RFC1: variants seen among roughly 807,000 people sequenced by gnomAD.
RFC1 encodes the protein A1 140 kDa subunit.
In RFC1, 37 loss-of-function variants were observed where a neutral mutation model predicts 137.4. The observed-to-expected ratio is 0.27, with a 90% CI of 0.21 to 0.35. The LOEUF (loss-of-function observed/expected upper bound fraction) is 0.35, where lower values mean the gene tolerates loss of function less well. Among genes scored for constraint, RFC1 ranks in the 10% least tolerant of loss-of-function variants. RFC1 has a pLI of 1.00. For synonymous variants in RFC1, 429 were observed against 455.7 expected (o/e 0.94, Z 0.75); for missense variants, 1,205 against 1,358.5 (o/e 0.89, Z 1.78).
intron 4 of RFC1, among the ~76,000 whole-genome samples, chr4:39,337,369 C>T (rs1740404141): frequency 7.1e-6 from 1 of 140,650 alleles, no homozygotes; most frequent in African/African-American, 2.6e-5. Flanking sequence ...AGCGAAACTC[C>T]GTCTCAAAAA....
chr4:39,323,427 G>T lies in RFC1; in HGVS notation c.643-10C>A. The T allele has an allele frequency of 6.2e-7, 1 of 1,613,392 alleles. No individual in the cohort carries two copies. Among genetic ancestry groups the T allele is most frequent in the Non-Finnish European group, 8.5e-7 (1 of 1,179,384 alleles). The stretch of plus-strand genomic sequence containing the variant: ...GCAACTGCCTCTCCAGCTGTAAAAT[G>T]TGTCAGCAAAGTGAGTTGAGTTGCT... On this transcript the variant is annotated splice_polypyrimidine_tract_variant and intron_variant, in intron 6 of 24. Transcript: ENST00000349703.
At chr4:39,346,350 C>T (rs1382116477) in intron 2 of RFC1, among the ~76,000 whole-genome samples, 1 of 152,118 alleles carries the variant, frequency 6.6e-6, no homozygotes, top group Non-Finnish European at 1.5e-5. Flanking sequence ...GTGGTACATG[C>T]CTGTAATCCC....
chr4:39,324,697 G>A (rs759653551), intron 6 of RFC1, among the ~76,000 whole-genome samples: 25 of 152,224 alleles, frequency 1.6e-4, no homozygotes, highest in Non-Finnish European at 2.9e-4. Flanking sequence ...GGTTGAGTGA[G>A]ACATAAATGG....
intron 21 of RFC1, among the ~76,000 whole-genome samples, chr4:39,299,610 CAAAAAAAAAA>C (rs970461214): frequency 2.5e-5 from 1 of 40,470 alleles, no homozygotes; most frequent in Admixed American, 2.5e-4. Flanking sequence ...AACACTGTCT[CAAAAAAAAAA>C]AAAAAAAAAG....
intron 1 of RFC1, among the ~76,000 whole-genome samples, chr4:39,365,227 A>G (rs1292048804): frequency 6.6e-6 from 1 of 150,470 alleles, no homozygotes; most frequent in Non-Finnish European, 1.5e-5. Flanking sequence ...TGCTTGGTAC[A>G]AGGTAGCTAC....
At chr4:39,330,132 CAT>C (rs1211935362) in intron 4 of RFC1, among the ~76,000 whole-genome samples, 2 of 152,120 alleles carry the variant, frequency 1.3e-5, no homozygotes, top group Admixed American at 6.5e-5. Context: ...TGCAAAGCCA[CAT>C]ATGAGTGGCT....
intron 4 of RFC1, among the ~76,000 whole-genome samples, chr4:39,336,020 T>C (rs1192067882): frequency 1.3e-5 from 2 of 152,210 alleles, no homozygotes. Flanking sequence ...TCTGTTCATT[T>C]TCAAAGATGC....
At chr4:39,347,608 G>C (rs1011888823) in intron 2 of RFC1, among the ~76,000 whole-genome samples, 5 of 152,154 alleles carry the variant, frequency 3.3e-5, no homozygotes, top group African/African-American at 9.7e-5. Flanking sequence ...TTGGAACTGG[G>C]GAGAGGCTAG....
chr4:39,364,245 A>T (rs991417026), intron 1 of RFC1, among the ~76,000 whole-genome samples: 6 of 138,480 alleles, frequency 4.3e-5, no homozygotes, highest in African/African-American at 1.3e-4. Flanking sequence ...TGTCCTTCAT[A>T]CCCAACGACA....
chr4:39,314,591 G>A (rs1474265211), intron 10 of RFC1, among the ~76,000 whole-genome samples: 1 of 151,794 alleles, frequency 6.6e-6, no homozygotes, highest in Non-Finnish European at 1.5e-5. Context: ...TTTGACTGAA[G>A]TCCTCTCAAG....
chr4:39,355,286 G>C (rs1741416559), intron 1 of RFC1, among the ~76,000 whole-genome samples: 1 of 151,656 alleles, frequency 6.6e-6, no homozygotes, highest in African/African-American at 2.4e-5. Flanking sequence ...AATCAGCCTA[G>C]TGTAGTGACA....
Position 39,302,352 on chromosome 4 carries a change from A to T in RFC1, c.2461T>A (p.Cys821Ser). The change falls in exon 19 of 25, where the codon TGT (cysteine) becomes AGT (serine). Residue 821 changes from cysteine to serine, a missense_variant. Physicochemically the swap from Cys to Ser is moderately radical, Grantham distance 112. Coordinates refer to ENST00000349703, the MANE Select transcript of RFC1 (RefSeq NM_002913.5). ...RQVLHNLSMWCARSKALTYDQ... is the reference protein window; with the variant it reads ...RQVLHNLSMWSARSKALTYDQ... ...TAGGTTAATGCTTTACTTCGTGCAC[A>T]CCACATACTCAGATTATGTAAAACC... is the stretch of plus-strand genomic sequence containing the variant. 1 of 1,613,066 alleles carries T rather than the reference A, an allele frequency of 6.2e-7. No homozygotes were observed. The highest frequency in any genetic ancestry group is 8.5e-7 in the Non-Finnish European group (1 of 1,179,032).
chr4:39,288,711 A>G lies in RFC1; in HGVS notation c.*50T>C. ...ACAAGGCTTTCTCTAGACCAGCTGG[A>G]CTGGTCAGGAGGGAGAGTAAAAAGT... On this transcript the variant is annotated 3_prime_UTR_variant, in exon 25 of 25. Transcript: ENST00000349703. 8.8e-7 allele frequency: 1 copy of G among 1,141,520 alleles called. No individual in the cohort carries two copies. The highest frequency in any genetic ancestry group is 1.3e-6 in the Non-Finnish European group (1 of 760,172). 70.7% of individuals were successfully genotyped at this position (1,141,520 alleles called of 1,614,324 possible). A position where few individuals can be genotyped will look rare whatever the true frequency, so the allele number is the denominator to read the frequency against.
rs2066792 is a variant in RFC1 at position 39,304,884 on chromosome 4, C to T, written c.2040G>A (p.Arg680=). 6.2e-7 allele frequency: 1 copy of T among 1,613,518 alleles called. No homozygotes were observed. Among genetic ancestry groups the T allele is most frequent in the South Asian group, 1.1e-5 (1 of 91,066 alleles). The stretch of plus-strand genomic sequence containing the variant: ...CAATCGCCTTCAAACTGCTCTTACT[C>T]CGGGTGTCACTTGCATTCAGTTCCA... The part of the protein sequence containing the change: ...SYVELNASDT[R]SKSSLKAIVA... The change falls in exon 15 of 25, where the codon CGG becomes CGA. Residue 680 remains arginine, a synonymous_variant. Transcript: ENST00000349703.
At chr4:39,298,771 T>G (rs901725720) in intron 21 of RFC1, among the ~76,000 whole-genome samples, 1 of 152,224 alleles carries the variant, frequency 6.6e-6, no homozygotes, top group Non-Finnish European at 1.5e-5. Context: ...AAATCTAACA[T>G]TCCTATTTCT....
At chr4:39,345,303 G>A (rs185655300) in intron 3 of RFC1, 98 bp downstream of exon 3, 18 of 988,596 alleles carry the variant, frequency 1.8e-5, no homozygotes, top group East Asian at 8.1e-5. Flanking sequence ...TTACAGGCAT[G>A]AGCCACCGCA....
At chr4:39,339,831 C>T (rs1378829358) in intron 4 of RFC1, among the ~76,000 whole-genome samples, 2 of 152,142 alleles carry the variant, frequency 1.3e-5, no homozygotes, top group Admixed American at 6.6e-5. Context: ...CGAGACCACA[C>T]AAATCCATAA....
In RFC1 at chr4:39,308,091, G is replaced by A. The variant is rs17335188; in HGVS notation, c.1885+545C>T. On this transcript the variant is annotated intron_variant, in intron 13 of 24. Coordinates refer to ENST00000349703, the MANE Select transcript of RFC1 (RefSeq NM_002913.5). Reference sequence around the variant, plus strand: ...CCTATCGGGCCTGCCACAGCAAATCGTGCTTGCTACTGGGAGTTTAGGCTG... The same window carrying A: ...CCTATCGGGCCTGCCACAGCAAATCATGCTTGCTACTGGGAGTTTAGGCTG... 1.0e-2 allele frequency among the ~76,000 whole-genome samples: 1,519 copies of A among 152,252 alleles called. 27 individuals carry two copies. The highest frequency in any genetic ancestry group is 0.032 in the African/African-American group (1,312 of 41,550).
chr4:39,319,844 G>A (rs766068774), intron 9 of RFC1, among the ~76,000 whole-genome samples: 2 of 152,114 alleles, frequency 1.3e-5, no homozygotes, highest in Non-Finnish European at 2.9e-5. Flanking sequence ...TGGTTATGCT[G>A]GACAAAGAGA....
Sources: gnomAD v4.1 joint callset for allele counts (sites outside exome capture counted in the v4.1 genomes callset) on GRCh38, gnomAD v4.1.1 for gene constraint, MANE v1.5 for transcripts, NCBI Gene and HGNC (gene_info 2026-07-23, HGNC 2026-07-21) for gene names.